The following LDLRAD2 variants were observed in gnomAD, a reference collection of about 807,000 sequenced individuals.
The protein encoded by LDLRAD2 is low density lipoprotein receptor class A domain containing 2, also known as low-density lipoprotein receptor class A domain-containing protein 2.
Under a neutral mutation model 24.9 loss-of-function variants are expected in LDLRAD2, and 25 were observed. The observed-to-expected ratio is 1.00, with a 90% CI of 0.73 to 1.40. The LOEUF is 1.40. Ranked by LOEUF, LDLRAD2 falls within the 40% of genes most tolerant of loss-of-function variation. LDLRAD2 has a pLI of 0.00. For missense variants in LDLRAD2, 391 were observed against 366.2 expected, an observed-to-expected ratio of 1.07 and a Z score of -0.55; for synonymous variants, 182 against 166.7, an observed-to-expected ratio of 1.09 and a Z score of -0.71.
intron 4 of LDLRAD2, 121 bp downstream of exon 4, chr1:21,821,732 C>G (rs1267737521): frequency 6.6e-7 from 1 of 1,522,800 alleles, no homozygotes; most frequent in Non-Finnish European, 8.8e-7. Flanking sequence ...AGGCCCCCAG[C>G]TCTGAGGGGT....
In LDLRAD2 at chr1:21,824,438, A is replaced by AG. The variant is rs1392050687; in HGVS notation, c.*2228dup. On this transcript the variant is annotated 3_prime_UTR_variant, in exon 5 of 5. Coordinates refer to ENST00000344642, the MANE Select transcript of LDLRAD2 (RefSeq NM_001013693.3). This position sits in a 1 kb window ranked among gnomAD's most constrained non-coding sequence, Gnocchi z 5.9. The stretch of plus-strand genomic sequence containing the variant: ...CTGGAGAGCAGAGGCTGCCGAGGCC[A>AG]GGGGGCTCTGCTTTCCCCTCCCCCC... 4 of 1,600,552 alleles carry AG rather than the reference A, an allele frequency of 2.5e-6. No individual in the cohort carries two copies. The highest frequency in any genetic ancestry group is 2.6e-6 in the Non-Finnish European group (3 of 1,169,452).
In LDLRAD2 at chr1:21,815,997, T is replaced by C. The variant is rs749119806; in HGVS notation, c.566T>C (p.Leu189Pro). 62 of 1,613,780 alleles carry C rather than the reference T, an allele frequency of 3.8e-5. No individual in the cohort carries two copies. In the South Asian group the frequency reaches 6.5e-4, roughly 17 times the overall value. ...AATGGCAGGTGCATCCCCTCAAGCC[T>C]CGTGTGTGACCCCTGGGGCATGGAC... ...CQNGRCIPSS[L>P]VCDPWGMDNC... Residue 189 changes from leucine (L) to proline (P), a missense_variant, in exon 3 of 5, where the codon CTC becomes CCC. By Grantham distance (98) the Leu-to-Pro change is moderately conservative (BLOSUM62 -3). Coordinates refer to ENST00000344642, the MANE Select transcript of LDLRAD2 (RefSeq NM_001013693.3).
intron 3 of LDLRAD2, among the ~76,000 whole-genome samples, chr1:21,821,184 G>A (rs1339177407): frequency 6.6e-6 from 1 of 152,202 alleles, no homozygotes; most frequent in African/African-American, 2.4e-5. Context: ...GCGACAGAGT[G>A]AGACCCTGCC....
At chr1:21,822,005 T>A in intron 4 of LDLRAD2, 197 bp from the exon 5 acceptor site, 1 of 1,433,348 alleles carries the variant, frequency 7.0e-7, no homozygotes, top group Non-Finnish European at 9.1e-7. Context: ...GGCTCTGGGG[T>A]CAGACTCTTT....
chr1:21,823,886 C>T lies in LDLRAD2; in HGVS notation c.*1671C>T, dbSNP rs190429437. 268 of 732,714 alleles carry T rather than the reference C, an allele frequency of 3.7e-4. 1 individual carries two copies. The highest frequency in any genetic ancestry group is 5.5e-4 in the Non-Finnish European group (231 of 423,834). 45.4% of individuals were successfully genotyped at this position (732,714 alleles called of 1,614,324 possible). A position where few individuals can be genotyped will look rare whatever the true frequency, so the allele number is the denominator to read the frequency against. On this transcript the variant is annotated 3_prime_UTR_variant, in exon 5 of 5. Transcript: ENST00000344642. ...AACGAGAGATCGGGCCCCACAAACA[C>T]AGCTTCCTCATTTCTGCACCCAGGT... is the stretch of plus-strand genomic sequence containing the variant.
intron 3 of LDLRAD2, among the ~76,000 whole-genome samples, chr1:21,818,572 G>A (rs1007312916): frequency 6.6e-6 from 1 of 152,066 alleles, no homozygotes; most frequent in African/African-American, 2.4e-5. Flanking sequence ...GGTGTTGGAC[G>A]GTGGTTGACG....
At position 21,812,309 on chromosome 1, in the gene LDLRAD2, T is replaced by G; in HGVS notation, c.-143T>G. 1.6e-6 allele frequency: 1 copy of G among 626,520 alleles called. No individual in the cohort carries two copies. Among genetic ancestry groups the G allele is most frequent in the Non-Finnish European group, 2.9e-6 (1 of 347,766 alleles). 38.8% of individuals were successfully genotyped at this position (626,520 alleles called of 1,614,324 possible). On this transcript the variant is annotated 5_prime_UTR_variant, in exon 1 of 5. Coordinates refer to ENST00000344642, the MANE Select transcript of LDLRAD2 (RefSeq NM_001013693.3). ...TCTGGAAGGCAAAGCACTAAGATCA[T>G]AGTGAAGACTTGCCTCCCCCTTCTC... is the stretch of plus-strand genomic sequence containing the variant.
At position 21,823,023 on chromosome 1, in the gene LDLRAD2, G is replaced by C. The variant is rs543251538; in HGVS notation, c.*808G>C. On this transcript the variant is annotated 3_prime_UTR_variant, in exon 5 of 5. Transcript: ENST00000344642. ...TCTGGGGGCTCCATCGGTGGGTAGGGGGACAGTGGGGGCAGTTCTGGGCCC... is the reference window on the plus strand; with the variant it reads ...TCTGGGGGCTCCATCGGTGGGTAGGCGGACAGTGGGGGCAGTTCTGGGCCC... 2 of 313,016 alleles carry C rather than the reference G, an allele frequency of 6.4e-6. No homozygotes were observed. The highest frequency in any genetic ancestry group is 1.2e-5 in the Non-Finnish European group (2 of 171,762). 19.4% of individuals were successfully genotyped at this position (313,016 alleles called of 1,614,324 possible). A position where few individuals can be genotyped will look rare whatever the true frequency, so the allele number is the denominator to read the frequency against.
intron 2 of LDLRAD2, among the ~76,000 whole-genome samples, chr1:21,815,203 G>T (rs551299769): frequency 3.3e-5 from 5 of 151,982 alleles, no homozygotes; most frequent in African/African-American, 1.2e-4. Context: ...TGTCACATAC[G>T]CACAACCCAC....
In LDLRAD2 at chr1:21,823,744, C is replaced by A. The variant is rs1330959134; in HGVS notation, c.*1529C>A. 2 of 1,592,470 alleles carry A rather than the reference C, an allele frequency of 1.3e-6. No homozygotes were observed. The highest frequency in any genetic ancestry group is 1.7e-6 in the Non-Finnish European group (2 of 1,161,672). On this transcript the variant is annotated 3_prime_UTR_variant, in exon 5 of 5. Transcript: ENST00000344642. ...CCTGCAGTGGAACTGGGTCAGGCCCCTTTCCACAAACTTCCTGGTCCTCCC... is the reference window on the plus strand; with the variant it reads ...CCTGCAGTGGAACTGGGTCAGGCCCATTTCCACAAACTTCCTGGTCCTCCC...
At chr1:21,817,295 G>A (rs2097944920) in intron 3 of LDLRAD2, among the ~76,000 whole-genome samples, 1 of 152,128 alleles carries the variant, frequency 6.6e-6, no homozygotes, top group Non-Finnish European at 1.5e-5. Context: ...ACAGGAAGAA[G>A]GAAGCCTGGG....
chr1:21,821,014 T>C (rs1055980334), intron 3 of LDLRAD2, among the ~76,000 whole-genome samples: 2 of 152,050 alleles, frequency 1.3e-5, no homozygotes, highest in Non-Finnish European at 2.9e-5. Context: ...TTGGGCAACA[T>C]AGTGAGATCC....
chr1:21,813,035 G>C (rs113254662), intron 1 of LDLRAD2, among the ~76,000 whole-genome samples: 1 of 152,332 alleles, frequency 6.6e-6, no homozygotes, highest in Admixed American at 6.5e-5. Flanking sequence ...AGTGGCTCAC[G>C]CCTGTAATCC....
At chr1:21,815,307 A>C (rs1025737116) in intron 2 of LDLRAD2, among the ~76,000 whole-genome samples, 1 of 152,168 alleles carries the variant, frequency 6.6e-6, no homozygotes, top group African/African-American at 2.4e-5. Context: ...TCATATGCAC[A>C]CAGTACCGCC....
In LDLRAD2 at chr1:21,823,590, G is replaced by A; in HGVS notation, c.*1375G>A. On this transcript the variant is annotated 3_prime_UTR_variant, in exon 5 of 5. Coordinates refer to ENST00000344642, the MANE Select transcript of LDLRAD2 (RefSeq NM_001013693.3). ...CTAAGGGAGTGCCGTTCCTGCCCCT[G>A]CCCTGAGAAGGAGCCCCAGACTTAC... 6.2e-7 allele frequency: 1 copy of A among 1,609,144 alleles called. No individual in the cohort carries two copies. Among genetic ancestry groups the A allele is most frequent in the Non-Finnish European group, 8.5e-7 (1 of 1,175,822 alleles).
At chr1:21,815,853 C>G (rs1049295644) in intron 2 of LDLRAD2, 90 bp from the exon 3 acceptor site, 2 of 1,516,086 alleles carry the variant, frequency 1.3e-6, no homozygotes, top group Non-Finnish European at 1.8e-6. Context: ...CCTGCCCACA[C>G]CCCCACACTG....
chr1:21,823,988 G>T lies in LDLRAD2; in HGVS notation c.*1773G>T. Reference sequence around the variant, plus strand: ...ATGGAAGCCCGAGCCCTGGCTGGTGGGTTCTCCCCTCCCCTGGCTTCAAGT... The same window carrying T: ...ATGGAAGCCCGAGCCCTGGCTGGTGTGTTCTCCCCTCCCCTGGCTTCAAGT... On this transcript the variant is annotated 3_prime_UTR_variant, in exon 5 of 5. Coordinates refer to ENST00000344642, the MANE Select transcript of LDLRAD2 (RefSeq NM_001013693.3). The T allele has an allele frequency of 1.1e-6, 1 of 945,240 alleles. No individual in the cohort carries two copies. The allele number at this position is 945,240 out of a possible 1,614,324, so 58.6% of individuals were successfully genotyped here.
intron 3 of LDLRAD2, among the ~76,000 whole-genome samples, chr1:21,819,436 G>T (rs2097947787): frequency 6.6e-6 from 1 of 151,584 alleles, no homozygotes. Flanking sequence ...TATGCTTCCT[G>T]TACAGCCTGC....
At position 21,823,402 on chromosome 1, in the gene LDLRAD2, C is replaced by T. The variant is rs1310853907; in HGVS notation, c.*1187C>T. 4.5e-6 allele frequency: 7 copies of T among 1,570,604 alleles called. No homozygotes were observed. Among genetic ancestry groups the T allele is most frequent in the Non-Finnish European group, 6.0e-6 (7 of 1,163,108 alleles). On this transcript the variant is annotated 3_prime_UTR_variant, in exon 5 of 5. Transcript: ENST00000344642. The stretch of plus-strand genomic sequence containing the variant: ...TGTGGGGGCGGGGCGCCGGGTCGGG[C>T]CGAGTGCAGCACCAGGTTCTTGACA...
Sources: gnomAD v4.1 joint callset for allele counts (sites outside exome capture counted in the v4.1 genomes callset) on GRCh38, gnomAD v4.1.1 for gene constraint, Gnocchi (gnomAD v3.1) non-coding constraint, MANE v1.5 for transcripts, NCBI Gene and HGNC (gene_info 2026-07-23, HGNC 2026-07-21) for gene names.